Variants in GFOD2 observed in about 807,000 individuals in gnomAD.
GFOD2 encodes the protein Gfo/Idh/MocA-like oxidoreductase domain containing 2, also known as glucose-fructose oxidoreductase domain-containing protein 2.
Under a neutral mutation model 24.6 loss-of-function variants are expected in GFOD2, and 9 were observed. That is an observed-to-expected ratio of 0.37 (90% CI 0.22 to 0.64). The LOEUF (loss-of-function observed/expected upper bound fraction) is 0.64. GFOD2 is among the 30% of genes least tolerant of loss of function. GFOD2 has a pLI of 0.65. For synonymous variants in GFOD2, 211 were observed against 224.8 expected (o/e 0.94, Z 0.55); for missense variants, 476 against 532.5 (o/e 0.89, Z 1.04).
At chr16:67,692,319 C>T (rs117915184) in intron 1 of GFOD2, among the ~76,000 whole-genome samples, 26 of 142,994 alleles carry the variant, frequency 1.8e-4, no homozygotes, top group African/African-American at 6.7e-4. Context: ...CGGTGGCTCA[C>T]GCCTGTAATT....
At chr16:67,700,237 T>C (rs1442942991) in intron 1 of GFOD2, among the ~76,000 whole-genome samples, 1 of 151,790 alleles carries the variant, frequency 6.6e-6, no homozygotes, top group Non-Finnish European at 1.5e-5. Flanking sequence ...TAGCCGGTCA[T>C]GACAGTATGT....
intron 1 of GFOD2, among the ~76,000 whole-genome samples, chr16:67,688,735 T>TA: frequency 2.1e-5 from 2 of 97,532 alleles, no homozygotes; most frequent in African/African-American, 1.0e-4. Flanking sequence ...TAAAATTTAC[T>TA]TTTTTTTTTT....
intron 1 of GFOD2, among the ~76,000 whole-genome samples, chr16:67,711,117 G>A (rs1447823948): frequency 1.3e-5 from 2 of 152,220 alleles, no homozygotes; most frequent in Non-Finnish European, 2.9e-5. Flanking sequence ...ACAATGTTCA[G>A]AACTTCAAAC....
intron 2 of GFOD2, chr16:67,681,369 C>A: frequency 1.0e-6 from 1 of 985,308 alleles, no homozygotes; most frequent in Non-Finnish European, 1.2e-6. Flanking sequence ...CTGTTTCATG[C>A]CTCAAGAGGT....
At chr16:67,699,755 G>T in intron 1 of GFOD2, among the ~76,000 whole-genome samples, 1 of 151,562 alleles carries the variant, frequency 6.6e-6, no homozygotes, top group South Asian at 2.1e-4. Context: ...AAGTGCTGGG[G>T]TAACAGGAGC....
At chr16:67,683,798 G>GGTT in intron 2 of GFOD2, 1 of 1,225,614 alleles carries the variant, frequency 8.2e-7, no homozygotes, top group Non-Finnish European at 1.0e-6. Flanking sequence ...GAAGAGTGGA[G>GGTT]GACAACCTCA....
At chr16:67,696,708 C>T (rs944562780) in intron 1 of GFOD2, among the ~76,000 whole-genome samples, 18 of 152,146 alleles carry the variant, frequency 1.2e-4, no homozygotes, top group South Asian at 4.2e-4. Flanking sequence ...CTCCTGACCT[C>T]GTGATCCGCC....
rs777222332 is a variant in GFOD2 at position 67,685,373 on chromosome 16, G to C, written c.259+84C>G. 3.2e-6 allele frequency: 5 copies of C among 1,583,078 alleles called. No homozygotes were observed. The African/African-American group carries it at 6.7e-5, about 21-fold the overall frequency. ...CCTGCAGATGCGAGCCCAGGAAGGA[G>C]AGCTCAGAGGAGAGGAGTGACCCTC... is the stretch of plus-strand genomic sequence containing the variant. On this transcript the variant is annotated intron_variant, in intron 2 of 2. Transcript: ENST00000268797.
chr16:67,713,248 G>T (rs1224555356), intron 1 of GFOD2, among the ~76,000 whole-genome samples: 1 of 152,018 alleles, frequency 6.6e-6, no homozygotes, highest in Non-Finnish European at 1.5e-5. Flanking sequence ...ATGTCATTGT[G>T]AAAGTGGAAA....
At chr16:67,680,704 T>C in intron 2 of GFOD2, 2 of 982,346 alleles carry the variant, frequency 2.0e-6, no homozygotes, top group African/African-American at 1.7e-5. Context: ...GAACAAGGCA[T>C]GTGGATTGGT....
At chr16:67,685,253 G>A in intron 2 of GFOD2, 1 of 1,431,910 alleles carries the variant, frequency 7.0e-7, no homozygotes, top group Non-Finnish European at 9.1e-7. Flanking sequence ...TTTCTGTTCA[G>A]GGATTTACAG....
chr16:67,676,149 A>C, intron 2 of GFOD2, 96 bp from the exon 3 acceptor site: 1 of 1,181,716 alleles, frequency 8.5e-7, no homozygotes, highest in Non-Finnish European at 1.2e-6. Context: ...CTGCCTTACA[A>C]CTGCACGAAC....
intron 1 of GFOD2, among the ~76,000 whole-genome samples, chr16:67,693,371 T>A (rs2053330855): frequency 6.6e-6 from 1 of 151,762 alleles, no homozygotes; most frequent in African/African-American, 2.4e-5. Flanking sequence ...CTCCGCCTCC[T>A]GGGTTCAAGT....
intron 1 of GFOD2, among the ~76,000 whole-genome samples, chr16:67,709,497 T>C (rs2053458878): frequency 6.6e-6 from 1 of 151,690 alleles, no homozygotes. Context: ...TTGCAAAGAG[T>C]GTACAGTCTA....
chr16:67,712,222 T>A (rs1415110411), intron 1 of GFOD2, among the ~76,000 whole-genome samples: 1 of 148,836 alleles, frequency 6.7e-6, no homozygotes, highest in Non-Finnish European at 1.5e-5. Flanking sequence ...AAACCATCAG[T>A]AGGCTCTTGC....
At chr16:67,699,471 TGTG>T (rs1163442434) in intron 1 of GFOD2, among the ~76,000 whole-genome samples, 1 of 152,024 alleles carries the variant, frequency 6.6e-6, no homozygotes, top group East Asian at 1.9e-4. Context: ...GATAGGAGAA[TGTG>T]GTGTTTTTTT....
intron 2 of GFOD2, chr16:67,680,585 T>A: frequency 2.0e-5 from 5 of 255,612 alleles, no homozygotes; most frequent in Non-Finnish European, 3.0e-5. Context: ...TACCCCCACC[T>A]CTGCCACCTT....
At position 67,685,632 on chromosome 16, in the gene GFOD2, G is replaced by A; in HGVS notation, c.84C>T (p.Phe28=). ...VLVPLLRAEG[F]TVEALWGKTE... ...TCTTCCCCCACAGGGCCTCAACAGTGAACCCTTCTGCCCTCAGCAGTGGGA... is the reference window on the plus strand; with the variant it reads ...TCTTCCCCCACAGGGCCTCAACAGTAAACCCTTCTGCCCTCAGCAGTGGGA... The change falls in exon 2 of 3, where the codon TTC becomes TTT. Residue 28 remains phenylalanine (F), a synonymous_variant. Transcript: ENST00000268797. 6.2e-7 allele frequency: 1 copy of A among 1,614,154 alleles called. No individual in the cohort carries two copies. The highest frequency in any genetic ancestry group is 2.2e-5 in the East Asian group (1 of 44,880).
chr16:67,694,003 T>G (rs2053337213), intron 1 of GFOD2, among the ~76,000 whole-genome samples: 1 of 152,064 alleles, frequency 6.6e-6, no homozygotes, highest in Admixed American at 6.6e-5. Flanking sequence ...TTTTTTTTTT[T>G]TAAGACAGAG....
Sources: gnomAD v4.1 joint callset for allele counts (sites outside exome capture counted in the v4.1 genomes callset) on GRCh38, gnomAD v4.1.1 for gene constraint, MANE v1.5 for transcripts, NCBI Gene and HGNC (gene_info 2026-07-23, HGNC 2026-07-21) for gene names.